Variants in ACSL3 observed in about 807,000 individuals in gnomAD.
ACSL3 encodes acyl-CoA synthetase long chain family member 3, also known as fatty acid CoA ligase Acsl3.
ACSL3 carries 34 observed loss-of-function variants against 84.7 expected under a neutral mutation model. The ratio of observed to expected loss-of-function variants is 0.40; its 90% CI spans 0.31 to 0.53. ACSL3 has a LOEUF of 0.53. Among genes scored for constraint, ACSL3 ranks in the 20% least tolerant of loss-of-function variants. ACSL3 has a pLI of 0.48. For synonymous variants in ACSL3, 315 were observed against 299.4 expected (o/e 1.05, Z -0.54); for missense variants, 680 against 873.1 (o/e 0.78, Z 2.79).
At chr2:222,912,222 T>C (rs1342026048) in intron 4 of ACSL3, among the ~76,000 whole-genome samples, 1 of 152,218 alleles carries the variant, frequency 6.6e-6, no homozygotes, top group Admixed American at 6.5e-5. Context: ...GAGGCTTTAG[T>C]TTCTGTTCAT....
chr2:222,912,090 T>C (rs938147553), intron 4 of ACSL3, among the ~76,000 whole-genome samples: 2 of 152,260 alleles, frequency 1.3e-5, no homozygotes, highest in Non-Finnish European at 2.9e-5. Context: ...GAACATGTTA[T>C]AGTTTTCTTT....
rs1395719439 is a variant in ACSL3 at position 222,942,083 on chromosome 2, C to T, written c.*429C>T. The T allele has an allele frequency of 9.3e-6, 2 of 214,438 alleles. No homozygotes were observed. The highest frequency in any genetic ancestry group is 1.9e-5 in the Non-Finnish European group (2 of 106,090). The allele number at this position is 214,438 out of a possible 1,614,324, so 13.3% of individuals were successfully genotyped here. ...TTTTTACTTACTGTATTTAAAAATA[C>T]AAGGGTATTGATATGAAATTATGTA... is the stretch of plus-strand genomic sequence containing the variant. On this transcript the variant is annotated 3_prime_UTR_variant, in exon 17 of 17. Transcript: ENST00000357430.
In ACSL3 at chr2:222,916,448, G is replaced by C; in HGVS notation, c.508G>C (p.Ala170Pro). The C allele has an allele frequency of 6.2e-7, 1 of 1,613,956 alleles. No homozygotes were observed. Among genetic ancestry groups the C allele is most frequent in the South Asian group, 1.1e-5 (1 of 91,054 alleles). The part of the protein sequence containing the change: ...TNIAIFCETR[A>P]EWMIAAQACF... ...CATCGCCATCTTCTGTGAGACCAGGGCCGAGTGGATGATAGCTGCACAGGC... is the reference window on the plus strand; with the variant it reads ...CATCGCCATCTTCTGTGAGACCAGGCCCGAGTGGATGATAGCTGCACAGGC... Residue 170 changes from alanine (A) to proline (P), a missense_variant, in exon 5 of 17, where the codon GCC becomes CCC. Physicochemically the swap from Ala to Pro is conservative, Grantham distance 27. Around this residue, in one of 2 missense-constraint regions of ACSL3, gnomAD observed 333 missense variants for 347.5 expected, o/e 0.96. Transcript: ENST00000357430.
intron 3 of ACSL3, 108 bp downstream of exon 3, chr2:222,900,888 C>T (rs1351776812): frequency 1.3e-5 from 2 of 152,198 alleles, no homozygotes; most frequent in Non-Finnish European, 1.5e-5. Context: ...CATTTGTGTA[C>T]ATTAGAATGC....
At chr2:222,940,215 G>A (rs1000442059) in intron 16 of ACSL3, among the ~76,000 whole-genome samples, 1 of 152,166 alleles carries the variant, frequency 6.6e-6, no homozygotes, top group African/African-American at 2.4e-5. Flanking sequence ...CAAGCATTCT[G>A]TATCCACATA....
chr2:222,918,103 CAG>C lies in ACSL3; in HGVS notation c.617_618del (p.Glu206GlyfsTer7). 3 of 1,612,516 alleles carry C rather than the reference CAG, an allele frequency of 1.9e-6. No homozygotes were observed. The highest frequency in any genetic ancestry group is 2.5e-6 in the Non-Finnish European group (3 of 1,179,128). ...GCCATTGTTCATGCATTAAATGAAA[CAG>C]AGGTGACCAACATCATTACTAGTAA... On this transcript the variant is annotated frameshift_variant, in exon 6 of 17. Transcript: ENST00000357430. LOFTEE classifies it high-confidence loss of function.
chr2:222,920,804 T>C, intron 7 of ACSL3: 1 of 340,908 alleles, frequency 2.9e-6, no homozygotes, highest in East Asian at 7.5e-5. Flanking sequence ...CTTGCCACTC[T>C]TCCTCTTGCT....
At chr2:222,868,315 C>G (rs1256430098) in intron 1 of ACSL3, among the ~76,000 whole-genome samples, 2 of 152,154 alleles carry the variant, frequency 1.3e-5, no homozygotes, top group Non-Finnish European at 2.9e-5. Context: ...TATTTAATTT[C>G]TATGTCTCAA....
intron 1 of ACSL3, among the ~76,000 whole-genome samples, chr2:222,879,859 G>A (rs568242867): frequency 6.6e-6 from 1 of 152,096 alleles, no homozygotes; most frequent in African/African-American, 2.4e-5. Context: ...CATCACTGGA[G>A]ACTGTTTCAG....
At chr2:222,934,792 AC>A in intron 16 of ACSL3, 105 bp downstream of exon 16, 4 of 1,213,060 alleles carry the variant, frequency 3.3e-6, no homozygotes, top group Non-Finnish European at 4.6e-6. Flanking sequence ...CTGCTCAGAA[AC>A]CATTTCTACC....
intron 2 of ACSL3, among the ~76,000 whole-genome samples, chr2:222,893,562 A>G (rs898570065): frequency 3.3e-5 from 5 of 152,194 alleles, no homozygotes; most frequent in Non-Finnish European, 5.9e-5. Flanking sequence ...CTAAGCAGGT[A>G]GAACCATTTG....
chr2:222,901,964 A>AAAAAAAAAAAAAAAAAAAAAACATG (rs57522671), intron 3 of ACSL3, among the ~76,000 whole-genome samples: 1 of 99,456 alleles, frequency 1.0e-5, no homozygotes, highest in African/African-American at 4.1e-5. Flanking sequence ...AAAAAAAAAA[A>AAAAAAAAAAAAAAAAAAAAAACATG]GAACTCAAAT....
intron 16 of ACSL3, 32 bp from the exon 17 acceptor site, chr2:222,941,465 T>C: frequency 6.5e-7 from 1 of 1,533,426 alleles, no homozygotes. Context: ...TTAAATACCT[T>C]TTCTTCTTTT....
chr2:222,911,206 C>T (rs1386580292), intron 4 of ACSL3, among the ~76,000 whole-genome samples: 1 of 152,256 alleles, frequency 6.6e-6, no homozygotes. Context: ...TGCGCCACCA[C>T]GTCCGGCTAA....
rs143748344 is a variant in ACSL3 at position 222,925,424 on chromosome 2, T to C, written c.1292+829T>C. ...GAAATCAAGACCAGCCTGGGCAACA[T>C]AGCAAGATTCCTTCTCTGCTTAGCT... On this transcript the variant is annotated intron_variant, in intron 11 of 16. Transcript: ENST00000357430. Among the ~76,000 whole-genome samples, 330 of 150,590 alleles carry C rather than the reference T, an allele frequency of 2.2e-3. 4 individuals carry two copies. The highest frequency in any genetic ancestry group is 0.02 in the Admixed American group (303 of 15,146).
Position 222,908,973 on chromosome 2 carries a change from A to G in ACSL3, c.201A>G (p.Ala67=). 1 of 1,613,712 alleles carries G rather than the reference A, an allele frequency of 6.2e-7. No homozygotes were observed. The highest frequency in any genetic ancestry group is 8.5e-7 in the Non-Finnish European group (1 of 1,179,794). The change falls in exon 4 of 17, where the codon GCA becomes GCG. Residue 67 remains alanine (A), a synonymous_variant. Coordinates refer to ENST00000357430, the MANE Select transcript of ACSL3 (RefSeq NM_004457.5). Reference sequence around the variant, plus strand: ...CTGTAAATTCAAAACCTGATTCTGCATACAGATCTGTTAATAGTTTGGATG... The same window carrying G: ...CTGTAAATTCAAAACCTGATTCTGCGTACAGATCTGTTAATAGTTTGGATG... The part of the protein sequence containing the change: ...AKPVNSKPDS[A]YRSVNSLDGL...
intron 7 of ACSL3, among the ~76,000 whole-genome samples, chr2:222,920,148 AGTG>A (rs1696693980): frequency 6.6e-6 from 1 of 152,178 alleles, no homozygotes; most frequent in Non-Finnish European, 1.5e-5. Flanking sequence ...ATTTCCAAGA[AGTG>A]GTGGTGTTGG....
chr2:222,913,436 C>G (rs1045937898), intron 4 of ACSL3, among the ~76,000 whole-genome samples: 4 of 152,128 alleles, frequency 2.6e-5, no homozygotes, highest in Non-Finnish European at 5.9e-5. Flanking sequence ...TATTACTCTT[C>G]TCTTAGTTTC....
At chr2:222,861,430 C>G (rs1695003558) in intron 1 of ACSL3, 172 bp downstream of exon 1, 1 of 152,016 alleles carries the variant, frequency 6.6e-6, no homozygotes, top group Non-Finnish European at 1.5e-5. Context: ...CCAGGAGCAG[C>G]GGCGAGCAGG....
Sources: gnomAD v4.1 joint callset for allele counts (sites outside exome capture counted in the v4.1 genomes callset) on GRCh38, gnomAD v4.1.1 for gene constraint, gnomAD v4.1.1 regional missense constraint, MANE v1.5 for transcripts, NCBI Gene and HGNC (gene_info 2026-07-23, HGNC 2026-07-21) for gene names.